GNAQ: variants seen among roughly 807,000 people sequenced by gnomAD.
GNAQ encodes the protein G protein subunit alpha q.
GNAQ carries 8 observed loss-of-function variants against 43.9 expected under a neutral mutation model. The ratio of observed to expected loss-of-function variants is 0.18; its 90% CI spans 0.11 to 0.33. The LOEUF is 0.33. Among genes scored for constraint, GNAQ ranks in the 10% least tolerant of loss-of-function variants. The pLI, the probability that GNAQ is intolerant of heterozygous loss-of-function variation, is 1.00. For missense variants in GNAQ, 158 were observed against 450.8 expected (o/e 0.35, Z 5.88); for synonymous variants, 155 against 170.7 (o/e 0.91, Z 0.71).
chr9:77,830,589 T>C (rs1182735975), intron 2 of GNAQ, among the ~76,000 whole-genome samples: 1 of 152,196 alleles, frequency 6.6e-6, no homozygotes, highest in East Asian at 1.9e-4. Context: ...AAAATGTTAG[T>C]CTTCCAAATA....
chr9:77,814,737 G>T (rs1025657852), intron 3 of GNAQ, among the ~76,000 whole-genome samples: 1 of 152,128 alleles, frequency 6.6e-6, no homozygotes, highest in Non-Finnish European at 1.5e-5. Context: ...TTTATCATAT[G>T]AACTGGCATA....
At chr9:77,786,158 G>A (rs542932671) in intron 5 of GNAQ, among the ~76,000 whole-genome samples, 85 of 151,992 alleles carry the variant, frequency 5.6e-4, no homozygotes, top group African/African-American at 1.8e-3. Flanking sequence ...CGGGCAGATC[G>A]CGAGGTCATG....
chr9:77,772,769 G>A (rs1236649617), intron 5 of GNAQ, among the ~76,000 whole-genome samples: 1 of 152,112 alleles, frequency 6.6e-6, no homozygotes, highest in African/African-American at 2.4e-5. Context: ...CACTGTAATA[G>A]AACATGTAAA....
At chr9:77,913,460 A>G (rs1162485689) in intron 2 of GNAQ, among the ~76,000 whole-genome samples, 1 of 152,188 alleles carries the variant, frequency 6.6e-6, no homozygotes, top group African/African-American at 2.4e-5. Flanking sequence ...GGCACATTTC[A>G]CAACTCAATA....
At chr9:77,951,503 T>C (rs900320154) in intron 1 of GNAQ, among the ~76,000 whole-genome samples, 2 of 152,252 alleles carry the variant, frequency 1.3e-5, no homozygotes, top group African/African-American at 4.8e-5. Context: ...TATAGTTTAT[T>C]TACTTATTTG....
intron 6 of GNAQ, among the ~76,000 whole-genome samples, chr9:77,726,474 C>T (rs561796517): frequency 6.6e-5 from 10 of 152,120 alleles, no homozygotes; most frequent in Non-Finnish European, 1.2e-4. Flanking sequence ...AGGACTGTAC[C>T]ACATTCCATG....
chr9:77,967,258 G>T (rs1823179207), intron 1 of GNAQ, among the ~76,000 whole-genome samples: 1 of 152,148 alleles, frequency 6.6e-6, no homozygotes, highest in Admixed American at 6.5e-5. Context: ...TGGAGGAAAA[G>T]ATTCAGTTCC....
chr9:77,781,822 T>C (rs1245971577), intron 5 of GNAQ, among the ~76,000 whole-genome samples: 3 of 152,144 alleles, frequency 2.0e-5, no homozygotes, highest in African/African-American at 4.8e-5. Context: ...CACCCATTCA[T>C]GATAAAAACT....
chr9:77,889,777 T>C (rs1828371427), intron 2 of GNAQ, among the ~76,000 whole-genome samples: 1 of 152,196 alleles, frequency 6.6e-6, no homozygotes, highest in African/African-American at 2.4e-5. Context: ...ACCGCTTATT[T>C]CTAACCAAAT....
intron 2 of GNAQ, among the ~76,000 whole-genome samples, chr9:77,870,674 ATTC>A (rs1243562727): frequency 6.6e-6 from 1 of 152,108 alleles, no homozygotes. Flanking sequence ...CTCCAGTCAC[ATTC>A]TTCTTGAGAT....
chr9:77,813,323 G>C (rs1826957219), intron 3 of GNAQ, among the ~76,000 whole-genome samples: 1 of 152,174 alleles, frequency 6.6e-6, no homozygotes, highest in East Asian at 1.9e-4. Flanking sequence ...GCCTGTGCTA[G>C]AGGGCCCCAC....
At chr9:77,878,198 C>A (rs563667436) in intron 2 of GNAQ, among the ~76,000 whole-genome samples, 1 of 149,492 alleles carries the variant, frequency 6.7e-6, no homozygotes. Context: ...GTAGGAGTTA[C>A]GCAAAAAAGT....
intron 1 of GNAQ, among the ~76,000 whole-genome samples, chr9:77,996,681 AAAAAAAAAAAAAAAAG>A (rs1213401058): frequency 2.3e-5 from 2 of 87,128 alleles, no homozygotes; most frequent in East Asian, 4.3e-4. Context: ...CCATCTCAAA[AAAAAAAAAAAAAAAAG>A]AAAAAAGAAA....
chr9:77,926,477 C>A (rs1829074136), intron 1 of GNAQ, among the ~76,000 whole-genome samples: 1 of 152,126 alleles, frequency 6.6e-6, no homozygotes, highest in Admixed American at 6.5e-5. Flanking sequence ...TGTCTTTTCA[C>A]AGCATAGGGC....
chr9:78,024,386 C>A (rs1040076745), intron 1 of GNAQ, among the ~76,000 whole-genome samples: 8 of 152,084 alleles, frequency 5.3e-5, no homozygotes, highest in Admixed American at 1.3e-4. Context: ...TTCCGATTAC[C>A]CTCCATTCTT....
At chr9:77,809,132 T>G (rs901311393) in intron 3 of GNAQ, among the ~76,000 whole-genome samples, 6 of 152,170 alleles carry the variant, frequency 3.9e-5, no homozygotes, top group East Asian at 1.9e-4. Context: ...AATGTAAGCA[T>G]GCGTTTAGAA....
rs1281288103 is a variant in GNAQ at position 77,863,216 on chromosome 9, A to AAGGAAGGAAGGAAGGAAGGAAGGGAGGG, written c.322-47447_322-47446insCCCTCCCTTCCTTCCTTCCTTCCTTCCT. Among the ~76,000 whole-genome samples, 670 of 148,950 alleles carry AAGGAAGGAAGGAAGGAAGGAAGGGAGGG rather than the reference A, an allele frequency of 4.5e-3. 8 individuals are homozygous for AAGGAAGGAAGGAAGGAAGGAAGGGAGGG. Among genetic ancestry groups the AAGGAAGGAAGGAAGGAAGGAAGGGAGGG allele is most frequent in the African/African-American group, 0.016 (641 of 39,260 alleles). ...GAAGGAAGGAAGGAAGGAAGGAAGG[A>AAGGAAGGAAGGAAGGAAGGAAGGGAGGG]AGGGAGGAAGGAAGAAAGGAAGGAA... On this transcript the variant is annotated intron_variant, in intron 2 of 6. Transcript: ENST00000286548.
intron 2 of GNAQ, among the ~76,000 whole-genome samples, chr9:77,912,125 T>C (rs1249068487): frequency 2.0e-5 from 3 of 152,172 alleles, no homozygotes; most frequent in African/African-American, 7.2e-5. Flanking sequence ...CAACACTGAG[T>C]GACTTCTACT....
chr9:77,730,603 T>C (rs576093162), intron 5 of GNAQ, among the ~76,000 whole-genome samples: 7 of 152,344 alleles, frequency 4.6e-5, no homozygotes, highest in South Asian at 2.1e-4. Flanking sequence ...GTGCCAACAA[T>C]TGCATAGATA....
Sources: gnomAD v4.1 joint callset for allele counts (sites outside exome capture counted in the v4.1 genomes callset) on GRCh38, gnomAD v4.1.1 for gene constraint, MANE v1.5 for transcripts, NCBI Gene and HGNC (gene_info 2026-07-23, HGNC 2026-07-21) for gene names.